MAP2: variants seen among roughly 807,000 people sequenced by gnomAD.
MAP2 encodes microtubule associated protein 2.
Under a neutral mutation model 137.6 loss-of-function variants are expected in MAP2, and 14 were observed. That is an observed-to-expected ratio of 0.10 (90% CI 0.07 to 0.16). The LOEUF is 0.16. Among genes scored for constraint, MAP2 ranks in the 10% least tolerant of loss-of-function variants. The probability of loss-of-function intolerance (pLI) is 1.00; values close to 1 mark genes in which losing one functional copy is unlikely to be tolerated. For synonymous variants in MAP2, 786 were observed against 782.3 expected (o/e 1.00, Z -0.08); for missense variants, 2,088 against 2,191.5 (o/e 0.95, Z 0.94).
intron 3 of MAP2, among the ~76,000 whole-genome samples, chr2:209,593,899 T>C (rs1448663394): frequency 1.4e-4 from 3 of 20,878 alleles, no homozygotes; most frequent in Non-Finnish European, 4.7e-4. Flanking sequence ...ATTATTAAAA[T>C]ATATAAGTAT....
At chr2:209,704,605 A>G (rs2062824074) in intron 11 of MAP2, 1 of 1,603,446 alleles carries the variant, frequency 6.2e-7, no homozygotes, top group Non-Finnish European at 8.5e-7. Flanking sequence ...TGCCATACTC[A>G]AAATCAGGGA....
chr2:209,491,218 G>A (rs2059068983), intron 1 of MAP2, among the ~76,000 whole-genome samples: 1 of 152,012 alleles, frequency 6.6e-6, no homozygotes, highest in Admixed American at 6.6e-5. Flanking sequence ...ACAAAATTAA[G>A]GCAGAAATCA....
chr2:209,619,857 C>T (rs1337864962), intron 3 of MAP2, among the ~76,000 whole-genome samples: 1 of 152,092 alleles, frequency 6.6e-6, no homozygotes, highest in Admixed American at 6.5e-5. Flanking sequence ...CATTTATCCC[C>T]CATGTTTCTC....
At chr2:209,613,154 AT>A (rs2087593007) in intron 3 of MAP2, among the ~76,000 whole-genome samples, 1 of 152,186 alleles carries the variant, frequency 6.6e-6, no homozygotes, top group South Asian at 2.1e-4. Flanking sequence ...GGGAAAGCAT[AT>A]TCTGTTTATG....
chr2:209,544,269 T>C (rs1056166204), intron 2 of MAP2, among the ~76,000 whole-genome samples: 1 of 152,126 alleles, frequency 6.6e-6, no homozygotes, highest in South Asian at 2.1e-4. Context: ...ACAACCTTTT[T>C]AGTTTTTGTT....
At chr2:209,459,079 A>AT (rs1348984824) in intron 1 of MAP2, among the ~76,000 whole-genome samples, 1 of 152,148 alleles carries the variant, frequency 6.6e-6, no homozygotes, top group African/African-American at 2.4e-5. Flanking sequence ...AGACATTTTA[A>AT]TTTTTTCCCT....
Position 209,673,727 on chromosome 2 carries a change from T to A in MAP2, c.263-4845T>A, listed in dbSNP as rs560591903. Among the ~76,000 whole-genome samples, 4 of 151,986 alleles carry A rather than the reference T, an allele frequency of 2.6e-5. No individual in the cohort carries two copies. In the East Asian group the frequency reaches 7.7e-4, roughly 29 times the overall value. On this transcript the variant is annotated intron_variant, in intron 5 of 15. Coordinates refer to ENST00000682079, the MANE Select transcript of MAP2 (RefSeq NM_001375505.1). The stretch of plus-strand genomic sequence containing the variant: ...TAATAATTCCCCAATTTATGTGTAA[T>A]CTAGATTCATCTTTAATCTTCTAAC...
chr2:209,659,988 A>C (rs2042664037), intron 5 of MAP2, among the ~76,000 whole-genome samples: 2 of 152,124 alleles, frequency 1.3e-5, no homozygotes. Flanking sequence ...CAGCGAGCCG[A>C]GATGGCGCCA....
intron 2 of MAP2, among the ~76,000 whole-genome samples, chr2:209,557,373 A>G (rs950115873): frequency 2.0e-5 from 3 of 152,202 alleles, no homozygotes; most frequent in African/African-American, 7.2e-5. Flanking sequence ...CTCCTGTCCA[A>G]TTCTTCAAGA....
intron 5 of MAP2, among the ~76,000 whole-genome samples, chr2:209,658,513 A>AT (rs201559096): frequency 0.011 from 1,673 of 148,930 alleles, 35 homozygotes; most frequent in African/African-American, 0.036. Context: ...TATTATTACT[A>AT]TTTTTTTTTT....
intron 2 of MAP2, among the ~76,000 whole-genome samples, chr2:209,555,089 A>G (rs2070242103): frequency 6.6e-6 from 1 of 151,890 alleles, no homozygotes; most frequent in South Asian, 2.1e-4. Flanking sequence ...TCATGTCTGG[A>G]AAATAACAGA....
At chr2:209,500,434 C>T (rs138968779) in intron 1 of MAP2, among the ~76,000 whole-genome samples, 1 of 152,086 alleles carries the variant, frequency 6.6e-6, no homozygotes, top group Non-Finnish European at 1.5e-5. Flanking sequence ...CTGAATTGCT[C>T]TCCTTCCCAC....
rs140090285 is a variant in MAP2, at chr2:209,476,948, C to A, written c.-221-30644C>A. ...ATTGAATTCAGTTAAGCATTCAAAACCTTCATCACAAAGATTGGCTGAGCT... is the reference window on the plus strand; with the variant it reads ...ATTGAATTCAGTTAAGCATTCAAAAACTTCATCACAAAGATTGGCTGAGCT... On this transcript the variant is annotated intron_variant, in intron 1 of 15. Transcript: ENST00000682079. Among the ~76,000 whole-genome samples the A allele has an allele frequency of 2.4e-4, 37 of 152,290 alleles. No homozygotes were observed. In the East Asian group the frequency reaches 7.1e-3, roughly 29 times the overall value.
At chr2:209,590,282 T>C (rs935661045) in intron 3 of MAP2, among the ~76,000 whole-genome samples, 2 of 152,174 alleles carry the variant, frequency 1.3e-5, no homozygotes, top group Non-Finnish European at 2.9e-5. Flanking sequence ...TCTCAAACAG[T>C]GTTGGCTAAT....
intron 3 of MAP2, among the ~76,000 whole-genome samples, chr2:209,616,416 A>T (rs199966283): frequency 0.17 from 25,786 of 152,100 alleles, 3,159 homozygotes; most frequent in African/African-American, 0.35. Context: ...ACCAAATTTG[A>T]TTAATTCCTA....
rs372013614 is a variant in MAP2 at position 209,583,147 on chromosome 2, G to GTCTGTCTGTCTATCTATCTA, written c.-107+3050_-107+3051insGTCTGTCTATCTATCTATCT. ...TATCTATCTATCCATCTGTCTGTCTGTCTATCTATCTATCTATCTATCTAT... is the reference window on the plus strand; with the variant it reads ...TATCTATCTATCCATCTGTCTGTCTGTCTGTCTGTCTATCTATCTATCTATCTATCTATCTATCTATCTAT... On this transcript the variant is annotated intron_variant, in intron 3 of 15. Transcript: ENST00000682079. Among the ~76,000 whole-genome samples, 101 of 147,260 alleles carry GTCTGTCTGTCTATCTATCTA rather than the reference G, an allele frequency of 6.9e-4. 1 individual carries two copies. Among genetic ancestry groups the GTCTGTCTGTCTATCTATCTA allele is most frequent in the African/African-American group, 2.4e-3 (96 of 39,304 alleles).
chr2:209,685,248 G>T (rs1180401083), intron 7 of MAP2, among the ~76,000 whole-genome samples: 1 of 151,898 alleles, frequency 6.6e-6, no homozygotes, highest in Non-Finnish European at 1.5e-5. Flanking sequence ...AGAGTTATTT[G>T]TTACAAGCTA....
chr2:209,696,605 A>G lies in MAP2; in HGVS notation c.4244A>G (p.Lys1415Arg), dbSNP rs756104552. 1 of 1,613,984 alleles carries G rather than the reference A, an allele frequency of 6.2e-7. No homozygotes were observed. Among genetic ancestry groups the G allele is most frequent in the Non-Finnish European group, 8.5e-7 (1 of 1,179,944 alleles). Residue 1415 changes from lysine (K) to arginine (R), a missense_variant, in exon 9 of 16, where the codon AAG becomes AGG. Physicochemically the swap from Lys to Arg is conservative, Grantham distance 26. Transcript: ENST00000682079. ...ETIPKEEKAE[K>R]EARRSSLEKH... The stretch of plus-strand genomic sequence containing the variant: ...ATTCCTAAAGAGGAGAAAGCTGAAA[A>G]GGAAGCTCGGAGATCATCTCTTGAG...
intron 3 of MAP2, among the ~76,000 whole-genome samples, chr2:209,593,022 A>T (rs2079694119): frequency 6.6e-6 from 1 of 152,074 alleles, no homozygotes; most frequent in East Asian, 1.9e-4. Flanking sequence ...TAGTCCTGCT[A>T]ATTCTATTTT....
Sources: gnomAD v4.1 joint callset for allele counts (sites outside exome capture counted in the v4.1 genomes callset) on GRCh38, gnomAD v4.1.1 for gene constraint, MANE v1.5 for transcripts, NCBI Gene and HGNC (gene_info 2026-07-23, HGNC 2026-07-21) for gene names.